The following CNOT6L variants were observed in gnomAD, a reference collection of about 807,000 sequenced individuals.
CNOT6L encodes the protein CCR4-NOT transcription complex subunit 6 like.
In CNOT6L, 7 loss-of-function variants were observed where a neutral mutation model predicts 64.0. The observed-to-expected ratio is 0.11, with a 90% CI of 0.06 to 0.21. The LOEUF (loss-of-function observed/expected upper bound fraction) is 0.21, where lower values mean the gene tolerates loss of function less well. CNOT6L is among the 10% of genes least tolerant of loss of function. The pLI is 1.00. For synonymous variants in CNOT6L, 193 were observed against 243.4 expected, an observed-to-expected ratio of 0.79 and a Z score of 1.93; for missense variants, 245 against 669.0, an observed-to-expected ratio of 0.37 and a Z score of 6.99.
At chr4:77,767,747 G>C (rs1727010943) in intron 4 of CNOT6L, among the ~76,000 whole-genome samples, 1 of 149,152 alleles carries the variant, frequency 6.7e-6, no homozygotes, top group Non-Finnish European at 1.5e-5. Context: ...GGGAGGCTGA[G>C]GCAGGTAGAT....
At position 77,717,359 on chromosome 4, in the gene CNOT6L, TAC is replaced by T. The variant is rs1720852699; in HGVS notation, c.*3070_*3071del. On this transcript the variant is annotated 3_prime_UTR_variant, in exon 12 of 12. Transcript: ENST00000504123. ...GTATGACTGTAATAATGGCAAACAGTACAGTTTTCTCTTCCTCAAACAATACT... is the reference window on the plus strand; with the variant it reads ...GTATGACTGTAATAATGGCAAACAGTAGTTTTCTCTTCCTCAAACAATACT... 6.6e-6 allele frequency: 1 copy of T among 152,470 alleles called. No homozygotes were observed. Among genetic ancestry groups the T allele is most frequent in the Non-Finnish European group, 1.5e-5 (1 of 67,988 alleles). 9.4% of individuals were successfully genotyped at this position (152,470 alleles called of 1,614,324 possible).
Position 77,779,063 on chromosome 4 carries a change from CA to C in CNOT6L, c.6-2672del, listed in dbSNP as rs879638003. ...CTCTGTCTCAAAAAAAAAAAAAAAA[CA>C]AAAAAAAAACACAAAAAACACACAG... is the stretch of plus-strand genomic sequence containing the variant. On this transcript the variant is annotated intron_variant, in intron 1 of 11. Transcript: ENST00000504123. Among the ~76,000 whole-genome samples, 82 of 71,280 alleles carry C rather than the reference CA, an allele frequency of 1.2e-3. 1 individual carries two copies. The highest frequency in any genetic ancestry group is 4.4e-3 in the African/African-American group (77 of 17,546). The allele number at this position is 71,280 out of a possible 152,430, so 46.8% of individuals were successfully genotyped here. A position where few individuals can be genotyped will look rare whatever the true frequency, so the allele number is the denominator to read the frequency against.
rs187462716 is a variant in CNOT6L, at chr4:77,760,444, A to G, written c.401-3493T>C. On this transcript the variant is annotated intron_variant, in intron 4 of 11. Coordinates refer to ENST00000504123, the MANE Select transcript of CNOT6L (RefSeq NM_144571.3). ...ATGACACTATCAAAATTTGTAGGAT[A>G]TGGAAAAACCAGTTTTTAGAGGGAA... 1.7e-3 allele frequency among the ~76,000 whole-genome samples: 256 copies of G among 152,126 alleles called. 1 individual carries two copies. The highest frequency in any genetic ancestry group is 2.8e-3 in the Non-Finnish European group (188 of 67,982).
At chr4:77,730,833 G>A (rs886202553) in intron 9 of CNOT6L, among the ~76,000 whole-genome samples, 1 of 152,046 alleles carries the variant, frequency 6.6e-6, no homozygotes, top group Non-Finnish European at 1.5e-5. Context: ...TCAAAGGCAG[G>A]CAGTAAGAAG....
intron 8 of CNOT6L, among the ~76,000 whole-genome samples, chr4:77,737,767 C>T (rs1279574665): frequency 6.6e-6 from 1 of 151,928 alleles, no homozygotes; most frequent in African/African-American, 2.4e-5. Flanking sequence ...ATTATTTTAA[C>T]CCCATAAGAA....
intron 5 of CNOT6L, among the ~76,000 whole-genome samples, chr4:77,755,750 C>T (rs77308327): frequency 0.064 from 9,709 of 151,904 alleles, 466 homozygotes; most frequent in African/African-American, 0.13. Context: ...GGGCGTCTTA[C>T]GATAAAGAGA....
Position 77,744,973 on chromosome 4 carries a change from T to G in CNOT6L, c.560-98A>C, listed in dbSNP as rs927171237. The G allele has an allele frequency of 3.6e-6, 3 of 835,162 alleles. No homozygotes were observed. In the African/African-American group the frequency reaches 5.1e-5, roughly 14 times the overall value. The allele number at this position is 835,162 out of a possible 1,614,324, so 51.7% of individuals were successfully genotyped here. A position where few individuals can be genotyped will look rare whatever the true frequency, so the allele number is the denominator to read the frequency against. On this transcript the variant is annotated intron_variant, in intron 6 of 11. Coordinates refer to ENST00000504123, the MANE Select transcript of CNOT6L (RefSeq NM_144571.3). Reference sequence around the variant, plus strand: ...GTACACCTGCACAAGCACACACACATACGCCACATATCATCATTGTAAAAT... The same window carrying G: ...GTACACCTGCACAAGCACACACACAGACGCCACATATCATCATTGTAAAAT...
At chr4:77,791,221 C>T (rs577923219) in intron 1 of CNOT6L, among the ~76,000 whole-genome samples, 8 of 152,180 alleles carry the variant, frequency 5.3e-5, no homozygotes, top group East Asian at 1.9e-4. Flanking sequence ...AGCTGCAGTG[C>T]GCCAAGATCG....
chr4:77,742,898 A>G (rs1560582789), intron 7 of CNOT6L, among the ~76,000 whole-genome samples: 1 of 152,182 alleles, frequency 6.6e-6, no homozygotes, highest in Non-Finnish European at 1.5e-5. Flanking sequence ...AATAAATATG[A>G]AGATAATTTA....
In CNOT6L at chr4:77,716,218, T is replaced by C. The variant is rs1242660066; in HGVS notation, c.*4213A>G. 6.6e-6 allele frequency: 1 copy of C among 152,122 alleles called. No individual in the cohort carries two copies. Among genetic ancestry groups the C allele is most frequent in the Non-Finnish European group, 1.5e-5 (1 of 67,992 alleles). The allele number at this position is 152,122 out of a possible 1,614,324, so 9.4% of individuals were successfully genotyped here. On this transcript the variant is annotated 3_prime_UTR_variant, in exon 12 of 12. Transcript: ENST00000504123. The stretch of plus-strand genomic sequence containing the variant: ...GTATGTATGAGTGCTATTTTGAAAA[T>C]GTGCCATAAAGTCTTTGCTTGCTAT...
At chr4:77,771,110 G>A (rs923480938) in intron 4 of CNOT6L, among the ~76,000 whole-genome samples, 4 of 152,050 alleles carry the variant, frequency 2.6e-5, no homozygotes, top group South Asian at 2.1e-4. Flanking sequence ...ACCTGAGGTC[G>A]GGAGTTCAAG....
At chr4:77,776,012 A>G (rs1447993129) in intron 2 of CNOT6L, among the ~76,000 whole-genome samples, 1 of 152,192 alleles carries the variant, frequency 6.6e-6, no homozygotes, top group Non-Finnish European at 1.5e-5. Context: ...AAAATCTATT[A>G]TATCAAAGAA....
chr4:77,750,519 T>A (rs1351566211), intron 5 of CNOT6L, among the ~76,000 whole-genome samples: 2 of 151,810 alleles, frequency 1.3e-5, no homozygotes, highest in Non-Finnish European at 2.9e-5. Flanking sequence ...ACCCAGCTAA[T>A]TTTTTTTGTA....
At chr4:77,775,084 T>A (rs930313423) in intron 2 of CNOT6L, among the ~76,000 whole-genome samples, 1 of 152,210 alleles carries the variant, frequency 6.6e-6, no homozygotes, top group Non-Finnish European at 1.5e-5. Flanking sequence ...GGGGTACTAC[T>A]GCTATCTAGT....
intron 11 of CNOT6L, among the ~76,000 whole-genome samples, chr4:77,722,022 T>A (rs1721334396): frequency 6.6e-6 from 1 of 151,864 alleles, no homozygotes; most frequent in Admixed American, 6.6e-5. Flanking sequence ...CAACCTTACT[T>A]TACCACAAAT....
At chr4:77,776,221 T>C in intron 2 of CNOT6L, 50 bp downstream of exon 2, 7 of 1,575,946 alleles carry the variant, frequency 4.4e-6, no homozygotes, top group Non-Finnish European at 5.2e-6. Flanking sequence ...TACTCAACTT[T>C]TGTATTATCA....
intron 1 of CNOT6L, among the ~76,000 whole-genome samples, chr4:77,787,017 G>C (rs1729525494): frequency 6.6e-6 from 1 of 151,898 alleles, no homozygotes; most frequent in Non-Finnish European, 1.5e-5. Context: ...TGTAATCCCA[G>C]CACTTTGGGA....
intron 11 of CNOT6L, among the ~76,000 whole-genome samples, chr4:77,722,538 G>A (rs930110651): frequency 1.3e-5 from 2 of 152,174 alleles, no homozygotes; most frequent in Non-Finnish European, 2.9e-5. Context: ...ACTCCAGCCT[G>A]GGCGACAAAC....
At chr4:77,738,224 A>G (rs979287703) in intron 8 of CNOT6L, among the ~76,000 whole-genome samples, 15 of 152,180 alleles carry the variant, frequency 9.9e-5, no homozygotes, top group Non-Finnish European at 5.9e-5. Flanking sequence ...CAATGATCAC[A>G]CTGTTCTAAA....
Sources: gnomAD v4.1 joint callset for allele counts (sites outside exome capture counted in the v4.1 genomes callset) on GRCh38, gnomAD v4.1.1 for gene constraint, MANE v1.5 for transcripts, NCBI Gene and HGNC (gene_info 2026-07-23, HGNC 2026-07-21) for gene names.